Variants in PTPRN2 observed in about 807,000 individuals in gnomAD.
PTPRN2 encodes protein tyrosine phosphatase receptor type N2.
PTPRN2 carries 74 observed loss-of-function variants against 118.8 expected under a neutral mutation model. That is an observed-to-expected ratio of 0.62 (90% CI 0.52 to 0.76). The LOEUF is 0.76. Among genes scored for constraint, PTPRN2 ranks in the 30% least tolerant of loss-of-function variants. The pLI is 0.00. For synonymous variants in PTPRN2, 641 were observed against 608.0 expected, an observed-to-expected ratio of 1.05 and a Z score of -0.80; for missense variants, 1,481 against 1,394.4, an observed-to-expected ratio of 1.06 and a Z score of -0.99.
chr7:158,373,117 C>A (rs375505110), intron 2 of PTPRN2, among the ~76,000 whole-genome samples: 2 of 152,236 alleles, frequency 1.3e-5, no homozygotes, highest in Non-Finnish European at 2.9e-5. Context: ...TGTGGCCACA[C>A]CCCCAAGATG....
intron 2 of PTPRN2, among the ~76,000 whole-genome samples, chr7:158,393,717 A>G (rs1420317798): frequency 6.6e-6 from 1 of 152,094 alleles, no homozygotes; most frequent in African/African-American, 2.4e-5. Context: ...TTTCATTATA[A>G]TCTCATCGCC....
intron 1 of PTPRN2, among the ~76,000 whole-genome samples, chr7:158,560,119 A>G (rs1251245719): frequency 6.6e-6 from 1 of 152,232 alleles, no homozygotes; most frequent in Non-Finnish European, 1.5e-5. Context: ...TTCACTCAGC[A>G]TAATGTATTC....
intron 3 of PTPRN2, among the ~76,000 whole-genome samples, chr7:158,245,351 C>G (rs1330504234): frequency 6.6e-6 from 1 of 152,228 alleles, no homozygotes; most frequent in Non-Finnish European, 1.5e-5. Context: ...GTGCACGTGA[C>G]CCACGATGGG....
At position 157,606,846 on chromosome 7, in the gene PTPRN2, T is replaced by G. The variant is rs996751433; in HGVS notation, c.2345-2771A>C. On this transcript the variant is annotated intron_variant, in intron 15 of 22. Coordinates refer to ENST00000389418, the MANE Select transcript of PTPRN2 (RefSeq NM_002847.5). ...TAGTGAGTGTTTTAACTGATTGAAC[T>G]AGGAAAGTACTGTGCACTAGAGATC... Among the ~76,000 whole-genome samples the G allele has an allele frequency of 3.9e-5, 6 of 152,346 alleles. No individual in the cohort carries two copies. The East Asian group carries it at 9.6e-4, about 24-fold the overall frequency.
At chr7:158,132,507 GCACA>G (rs1367849513) in intron 9 of PTPRN2, among the ~76,000 whole-genome samples, 6 of 149,430 alleles carry the variant, frequency 4.0e-5, no homozygotes, top group African/African-American at 9.9e-5. Context: ...ACATACAGAT[GCACA>G]CACATTTACC....
chr7:158,487,105 C>T (rs1788493357), intron 2 of PTPRN2, among the ~76,000 whole-genome samples: 1 of 152,240 alleles, frequency 6.6e-6, no homozygotes, highest in Admixed American at 6.5e-5. Context: ...AGTGTCAGCA[C>T]TCACTTCCTC....
At chr7:157,687,339 C>T (rs778900472) in intron 12 of PTPRN2, among the ~76,000 whole-genome samples, 4 of 152,146 alleles carry the variant, frequency 2.6e-5, no homozygotes, top group South Asian at 2.1e-4. Context: ...TATGTGTTGA[C>T]GGGTAGCCAG....
intron 3 of PTPRN2, among the ~76,000 whole-genome samples, chr7:158,279,312 T>C (rs1048476593): frequency 3.9e-5 from 6 of 152,216 alleles, no homozygotes; most frequent in Non-Finnish European, 7.3e-5. Flanking sequence ...ATCCTTTAGC[T>C]AGACACAGAG....
intron 10 of PTPRN2, among the ~76,000 whole-genome samples, chr7:158,103,828 G>A (rs968691904): frequency 2.0e-5 from 3 of 152,002 alleles, no homozygotes; most frequent in African/African-American, 7.3e-5. Context: ...TTAGCAGCCT[G>A]GACACATTTC....
intron 12 of PTPRN2, among the ~76,000 whole-genome samples, chr7:157,849,765 G>A (rs890050469): frequency 6.6e-6 from 1 of 152,172 alleles, no homozygotes; most frequent in African/African-American, 2.4e-5. Flanking sequence ...CCAGAGTACT[G>A]TACAGCCACA....
intron 1 of PTPRN2, among the ~76,000 whole-genome samples, chr7:158,571,674 G>T (rs1302652743): frequency 6.6e-6 from 1 of 151,528 alleles, no homozygotes; most frequent in Non-Finnish European, 1.5e-5. Context: ...TTGACTTGGG[G>T]TTTTATATGT....
chr7:158,549,526 G>A (rs1244550111), intron 1 of PTPRN2, among the ~76,000 whole-genome samples: 3 of 152,280 alleles, frequency 2.0e-5, no homozygotes, highest in African/African-American at 7.2e-5. Flanking sequence ...AGCTACGGAG[G>A]TTCTGCTGGC....
intron 12 of PTPRN2, among the ~76,000 whole-genome samples, chr7:157,799,041 G>C (rs902126249): frequency 6.6e-6 from 1 of 152,118 alleles, no homozygotes; most frequent in African/African-American, 2.4e-5. Flanking sequence ...TTCTAGATTT[G>C]GCCCCTAAAT....
chr7:158,071,397 C>CCCA (rs1554528334), intron 11 of PTPRN2, among the ~76,000 whole-genome samples: 3 of 48,420 alleles, frequency 6.2e-5, no homozygotes, highest in Admixed American at 2.2e-4. Flanking sequence ...GGTGGAGGTG[C>CCCA]TCGTGGTGGA....
intron 11 of PTPRN2, among the ~76,000 whole-genome samples, chr7:158,032,262 C>T (rs1807743334): frequency 6.6e-6 from 1 of 152,158 alleles, no homozygotes; most frequent in Non-Finnish European, 1.5e-5. Context: ...AGCAAGGGCC[C>T]AGGAAGGGGT....
At chr7:157,696,124 T>C (rs542113961) in intron 12 of PTPRN2, among the ~76,000 whole-genome samples, 45 of 136,126 alleles carry the variant, frequency 3.3e-4, no homozygotes, top group East Asian at 1.2e-3. Context: ...TACCCATGCA[T>C]ACTGGGTCTT....
chr7:158,567,933 G>A (rs1053729451), intron 1 of PTPRN2, among the ~76,000 whole-genome samples: 3 of 152,200 alleles, frequency 2.0e-5, no homozygotes, highest in Non-Finnish European at 4.4e-5. Context: ...GTCAGAAGCT[G>A]ATGAGACTCT....
At chr7:157,815,640 C>T (rs965598855) in intron 12 of PTPRN2, among the ~76,000 whole-genome samples, 24 of 152,286 alleles carry the variant, frequency 1.6e-4, no homozygotes, top group African/African-American at 5.5e-4. Flanking sequence ...AAGGGACATT[C>T]GGATGCAGAC....
intron 3 of PTPRN2, among the ~76,000 whole-genome samples, chr7:158,262,769 CA>C (rs1563055003): frequency 1.4e-5 from 2 of 144,910 alleles, no homozygotes; most frequent in East Asian, 2.1e-4. Context: ...TGCACACACA[CA>C]TTCACACACA....
Sources: gnomAD v4.1 joint callset for allele counts (sites outside exome capture counted in the v4.1 genomes callset) on GRCh38, gnomAD v4.1.1 for gene constraint, MANE v1.5 for transcripts, NCBI Gene and HGNC (gene_info 2026-07-23, HGNC 2026-07-21) for gene names.